The following RABGAP1 variants were observed in gnomAD, a reference collection of about 807,000 sequenced individuals.
The protein encoded by RABGAP1 is rab GTPase-activating protein 1.
In RABGAP1, 23 loss-of-function variants were observed where a neutral mutation model predicts 137.6. That is an observed-to-expected ratio of 0.17 (90% confidence interval 0.12 to 0.24). RABGAP1 has a LOEUF of 0.24. Ranked by LOEUF, RABGAP1 falls within the 10% of genes least tolerant of loss-of-function variation. The pLI is 1.00. For missense variants in RABGAP1, 906 were observed against 1,275.8 expected (o/e 0.71, Z 4.42); for synonymous variants, 451 against 450.7 (o/e 1.00, Z -0.01).
chr9:122,986,523 A>G, intron 4 of RABGAP1, 104 bp downstream of exon 4: 1 of 1,239,018 alleles, frequency 8.1e-7, no homozygotes, highest in Non-Finnish European at 1.1e-6. Context: ...TAGTTATTTT[A>G]CTTGTGTAAC....
At chr9:122,975,863 T>C (rs1028381619) in intron 2 of RABGAP1, among the ~76,000 whole-genome samples, 24 of 152,308 alleles carry the variant, frequency 1.6e-4, no homozygotes, top group East Asian at 1.3e-3. Context: ...GATGAGACAG[T>C]TGGGGCTCCC....
intron 21 of RABGAP1, among the ~76,000 whole-genome samples, chr9:123,093,426 C>T (rs748122671): frequency 4.6e-5 from 7 of 152,132 alleles, no homozygotes; most frequent in Non-Finnish European, 1.0e-4. Context: ...GGACCATGTC[C>T]GAGTCCCCTC....
chr9:122,993,105 G>C (rs182539022), intron 6 of RABGAP1, among the ~76,000 whole-genome samples: 177 of 152,142 alleles, frequency 1.2e-3, no homozygotes, highest in Non-Finnish European at 2.2e-3. Flanking sequence ...GTGTTGAATA[G>C]AGTACTAAAA....
chr9:122,942,880 T>G (rs977920956), intron 1 of RABGAP1, among the ~76,000 whole-genome samples: 8 of 152,012 alleles, frequency 5.3e-5, no homozygotes, highest in Non-Finnish European at 4.4e-5. Context: ...GTGAGGTGAT[T>G]CATGCTTGTA....
chr9:123,009,394 C>G (rs192992100), intron 10 of RABGAP1, among the ~76,000 whole-genome samples: 3 of 152,290 alleles, frequency 2.0e-5, no homozygotes, highest in African/African-American at 7.2e-5. Flanking sequence ...TCTGCTCTGG[C>G]TGATATTTCT....
chr9:123,059,416 G>C (rs1242802768), intron 13 of RABGAP1, among the ~76,000 whole-genome samples: 1 of 152,044 alleles, frequency 6.6e-6, no homozygotes, highest in African/African-American at 2.4e-5. Context: ...TTAGCCAGGC[G>C]TGGTGGCGGG....
At position 123,020,933 on chromosome 9, in the gene RABGAP1, C is replaced by G. The variant is rs1172253160; in HGVS notation, c.1794+474C>G. ...AAAAAAATCTCATTTGTATGGTGTT[C>G]CCCTTCTGAAGTTCATGCATTCCTC... On this transcript the variant is annotated intron_variant, in intron 13 of 25. Coordinates refer to ENST00000373647, the MANE Select transcript of RABGAP1 (RefSeq NM_012197.4). 4.4e-6 allele frequency: 4 copies of G among 906,156 alleles called. No homozygotes were observed. The East Asian group carries it at 3.6e-4, about 81-fold the overall frequency. 56.1% of individuals were successfully genotyped at this position (906,156 alleles called of 1,614,324 possible). A position where few individuals can be genotyped will look rare whatever the true frequency, so the allele number is the denominator to read the frequency against.
At chr9:123,056,298 T>C (rs1425034660) in intron 13 of RABGAP1, among the ~76,000 whole-genome samples, 1 of 152,172 alleles carries the variant, frequency 6.6e-6, no homozygotes. Flanking sequence ...TTTTTGCAAC[T>C]TTAGATTCCA....
At chr9:122,968,016 C>G (rs1204029783) in intron 2 of RABGAP1, among the ~76,000 whole-genome samples, 8 of 152,092 alleles carry the variant, frequency 5.3e-5, no homozygotes, top group Admixed American at 5.2e-4. Flanking sequence ...GTGTGAGCCA[C>G]CATGCCCTGC....
At position 123,002,679 on chromosome 9, in the gene RABGAP1, T is replaced by A. The variant is rs939324691; in HGVS notation, c.1374+3913T>A. Among the ~76,000 whole-genome samples, 7 of 142,612 alleles carry A rather than the reference T, an allele frequency of 4.9e-5. No individual in the cohort carries two copies. The East Asian group carries it at 1.4e-3, about 28-fold the overall frequency. 93.6% of individuals were successfully genotyped at this position (142,612 alleles called of 152,430 possible). A position where few individuals can be genotyped will look rare whatever the true frequency, so the allele number is the denominator to read the frequency against. ...TTTAGCAACCATAATCAGAGCTACA[T>A]GTTAATTCAATGTAAAACTTTTAAA... is the stretch of plus-strand genomic sequence containing the variant. On this transcript the variant is annotated intron_variant, in intron 10 of 25. Coordinates refer to ENST00000373647, the MANE Select transcript of RABGAP1 (RefSeq NM_012197.4).
Position 122,990,071 on chromosome 9 carries a change from T to G in RABGAP1, c.781T>G (p.Tyr261Asp), listed in dbSNP as rs770489621. Reference protein sequence around the residue: ...EIQEAVSRILYSFATAFRRSA... With the variant: ...EIQEAVSRILDSFATAFRRSA... ...CTGGTTGTAGGTAAGCCGGATACTT[T>G]ACAGTTTTGCCACTGCCTTCCGCCG... The change falls in exon 6 of 26, where the codon TAC (tyrosine) becomes GAC (aspartate). Residue 261 changes from tyrosine to aspartate, a missense_variant. Around this residue, in one of 9 missense-constraint regions of RABGAP1, gnomAD observed 331 missense variants for 358.3 expected, o/e 0.92. Coordinates refer to ENST00000373647, the MANE Select transcript of RABGAP1 (RefSeq NM_012197.4). The G allele has an allele frequency of 1.2e-6, 2 of 1,607,786 alleles. No individual in the cohort carries two copies. The highest frequency in any genetic ancestry group is 4.5e-5 in the East Asian group (2 of 44,784).
In RABGAP1 at chr9:123,035,031, A is replaced by G. The variant is rs1485285395; in HGVS notation, c.1794+14572A>G. On this transcript the variant is annotated intron_variant, in intron 13 of 25. Coordinates refer to ENST00000373647, the MANE Select transcript of RABGAP1 (RefSeq NM_012197.4). Reference sequence around the variant, plus strand: ...GCCTGTGTATTTTCCTGATTTGGCTATACTCGACCCTGGTCTTCCTGCCTT... The same window carrying G: ...GCCTGTGTATTTTCCTGATTTGGCTGTACTCGACCCTGGTCTTCCTGCCTT... 8 of 1,613,748 alleles carry G rather than the reference A, an allele frequency of 5.0e-6. No individual in the cohort carries two copies. In the East Asian group the frequency reaches 6.7e-5, roughly 13 times the overall value.
intron 13 of RABGAP1, among the ~76,000 whole-genome samples, chr9:123,022,523 C>CAAAAAAAAAAAAAA (rs1554719431): frequency 6.6e-6 from 1 of 152,030 alleles, no homozygotes; most frequent in Non-Finnish European, 1.5e-5. Flanking sequence ...TCTCCTGCCG[C>CAAAAAAAAAAAAAA]AGCCCCCTGA....
At chr9:123,046,888 G>T (rs2033230998) in intron 13 of RABGAP1, among the ~76,000 whole-genome samples, 1 of 152,172 alleles carries the variant, frequency 6.6e-6, no homozygotes, top group African/African-American at 2.4e-5. Flanking sequence ...GAGCTTAGAA[G>T]ATCCCTTAGC....
intron 10 of RABGAP1, among the ~76,000 whole-genome samples, chr9:123,003,078 T>C (rs1186893819): frequency 1.3e-5 from 2 of 152,192 alleles, no homozygotes; most frequent in African/African-American, 4.8e-5. Context: ...CTTTTCGCTG[T>C]CTTAAAGCAT....
At position 123,102,186 on chromosome 9, in the gene RABGAP1, C is replaced by T. The variant is rs577999139; in HGVS notation, c.3087+423C>T. ...GTGCACAAATGGCTTGGCAGAATGT[C>T]GGGGGCTTTATAAATGCAAGCTTTT... is the stretch of plus-strand genomic sequence containing the variant. On this transcript the variant is annotated intron_variant, in intron 25 of 25. Transcript: ENST00000373647. Among the ~76,000 whole-genome samples, 6 of 152,248 alleles carry T rather than the reference C, an allele frequency of 3.9e-5. No homozygotes were observed. The East Asian group carries it at 5.8e-4, about 15-fold the overall frequency.
chr9:123,061,794 C>T (rs146062049), intron 13 of RABGAP1: 2 of 152,254 alleles, frequency 1.3e-5, no homozygotes, highest in East Asian at 3.9e-4. Context: ...TTAAAGTCAC[C>T]ATCTGTGCAC....
chr9:122,954,355 C>G (rs1289421345), intron 1 of RABGAP1, among the ~76,000 whole-genome samples: 1 of 152,184 alleles, frequency 6.6e-6, no homozygotes, highest in African/African-American at 2.4e-5. Context: ...TTTTCCTTTA[C>G]TACTTAGTGT....
Position 122,964,442 on chromosome 9 carries a change from T to C in RABGAP1, c.150+7233T>C, listed in dbSNP as rs536849515. ...AAAATTATTAATGTAATACACCGTA[T>C]CTATAGAATAAAAAGCAAAACCCAC... On this transcript the variant is annotated intron_variant, in intron 2 of 25. Transcript: ENST00000373647. 5.9e-5 allele frequency among the ~76,000 whole-genome samples: 9 copies of C among 152,192 alleles called. 1 individual carries two copies. In the South Asian group the frequency reaches 1.9e-3, roughly 32 times the overall value.
Sources: gnomAD v4.1 joint callset for allele counts (sites outside exome capture counted in the v4.1 genomes callset) on GRCh38, gnomAD v4.1.1 for gene constraint, gnomAD v4.1.1 regional missense constraint, MANE v1.5 for transcripts, NCBI Gene and HGNC (gene_info 2026-07-23, HGNC 2026-07-21) for gene names.